The following LTBP1 variants were observed in gnomAD, a reference collection of about 807,000 sequenced individuals.
LTBP1 encodes the protein latent-transforming growth factor beta-binding protein 1.
LTBP1 carries 129 observed loss-of-function variants against 207.6 expected under a neutral mutation model. That is an observed-to-expected ratio of 0.62 (90% CI 0.54 to 0.72). The LOEUF (loss-of-function observed/expected upper bound fraction) is 0.72. Among genes scored for constraint, LTBP1 ranks in the 30% least tolerant of loss-of-function variants. The pLI is 0.00. For missense variants in LTBP1, 2,281 were observed against 2,217.2 expected (o/e 1.03, Z -0.58); for synonymous variants, 963 against 833.7 (o/e 1.16, Z -2.67).
At chr2:33,179,341 T>C (rs1259104396) in intron 5 of LTBP1, among the ~76,000 whole-genome samples, 2 of 152,196 alleles carry the variant, frequency 1.3e-5, no homozygotes. Context: ...TTACTATGAA[T>C]ATTCGTGAAG....
At chr2:33,089,489 A>G (rs1188037991) in intron 3 of LTBP1, among the ~76,000 whole-genome samples, 1 of 152,200 alleles carries the variant, frequency 6.6e-6, no homozygotes, top group Non-Finnish European at 1.5e-5. Context: ...GGCAGAGGCC[A>G]CCAATGCTGC....
chr2:33,117,265 T>A (rs1158831979), intron 4 of LTBP1, among the ~76,000 whole-genome samples: 2 of 152,194 alleles, frequency 1.3e-5, no homozygotes, highest in African/African-American at 4.8e-5. Context: ...CTTTCTAACT[T>A]TTATTAATAC....
intron 4 of LTBP1, among the ~76,000 whole-genome samples, chr2:33,128,060 A>C (rs1311377725): frequency 6.6e-6 from 1 of 152,164 alleles, no homozygotes; most frequent in African/African-American, 2.4e-5. Flanking sequence ...TGGTAGAGAT[A>C]ATTTGGGACC....
rs192871010 is a variant in LTBP1, at chr2:33,193,155, G to T, written c.1701+4304G>T. Among the ~76,000 whole-genome samples the T allele has an allele frequency of 3.3e-5, 5 of 151,980 alleles. No homozygotes were observed. The East Asian group carries it at 9.6e-4, about 29-fold the overall frequency. On this transcript the variant is annotated intron_variant, in intron 7 of 33. Coordinates refer to ENST00000404816, the MANE Select transcript of LTBP1 (RefSeq NM_206943.4). ...TATCCTTATTCTTTTTTGTTTGTTT[G>T]TTTTGAGATGGAGTCTCTCACTCTG...
chr2:33,288,065 T>G (rs933992603), intron 19 of LTBP1, among the ~76,000 whole-genome samples: 1 of 152,210 alleles, frequency 6.6e-6, no homozygotes, highest in Non-Finnish European at 1.5e-5. Context: ...AGATGCTTTA[T>G]CCCTATCTCA....
chr2:33,254,851 G>GTTTT (rs1558893129), intron 11 of LTBP1, among the ~76,000 whole-genome samples: 3 of 7,062 alleles, frequency 4.2e-4, no homozygotes, highest in African/African-American at 2.6e-3. Context: ...TGCGGTGTTT[G>GTTTT]GTTTTTTTTT....
intron 5 of LTBP1, among the ~76,000 whole-genome samples, chr2:33,180,376 CCTTT>C (rs2086495877): frequency 6.6e-6 from 1 of 151,594 alleles, no homozygotes; most frequent in South Asian, 2.1e-4. Context: ...TGGAGTCCAG[CCTTT>C]CTTTTTTCCC....
At chr2:33,056,501 C>T (rs2077007102) in intron 3 of LTBP1, 1 of 764,358 alleles carries the variant, frequency 1.3e-6, no homozygotes, top group East Asian at 3.0e-5. Context: ...GCGTCTTCTT[C>T]TTGTCCCTTC....
chr2:33,143,588 G>A (rs1308622260), intron 5 of LTBP1, among the ~76,000 whole-genome samples: 2 of 152,148 alleles, frequency 1.3e-5, no homozygotes, highest in South Asian at 2.1e-4. Flanking sequence ...TTTACATGGA[G>A]CTTTAAGTTT....
intron 24 of LTBP1, among the ~76,000 whole-genome samples, chr2:33,336,558 G>A (rs193191025): frequency 6.6e-6 from 1 of 152,324 alleles, no homozygotes; most frequent in East Asian, 1.9e-4. Flanking sequence ...TTCTAAGACA[G>A]GAAGCCCGTT....
rs58504404 is a variant in LTBP1 at position 33,297,399 on chromosome 2, CTTTATTTATTTA to C, written c.3236-3013_3236-3002del. Among the ~76,000 whole-genome samples the C allele has an allele frequency of 5.2e-3, 729 of 140,348 alleles. 4 individuals carry two copies. The highest frequency in any genetic ancestry group is 0.012 in the African/African-American group (448 of 37,548). 92.1% of individuals were successfully genotyped at this position (140,348 alleles called of 152,430 possible). On this transcript the variant is annotated intron_variant, in intron 20 of 33. Transcript: ENST00000404816. Reference sequence around the variant, plus strand: ...GTCAGAGCTAGGATCTAATATACTGCTTTATTTATTTATTTATTTATTTATTTATTTATTTAT... The same window carrying C: ...GTCAGAGCTAGGATCTAATATACTGCTTTATTTATTTATTTATTTATTTAT...
In LTBP1 at chr2:32,947,643, G is replaced by C. The variant is rs1443383736; in HGVS notation, c.319G>C (p.Glu107Gln). ...CAGACCGCCGCCGCCGCCGCCGCCG[G>C]AGCCTGCGCGTCCCGCGGTCCCCGG... Reference protein sequence around the residue: ...GLRPPPPPPPEPARPAVPGGQ... With the variant: ...GLRPPPPPPPQPARPAVPGGQ... The change falls in exon 1 of 34, where the codon GAG (glutamate) becomes CAG (glutamine). Residue 107 changes from glutamate (E) to glutamine (Q), a missense_variant. Glu to Gln is a conservative substitution (Grantham distance 29). Around this residue, in one of 3 missense-constraint regions of LTBP1, gnomAD observed 555 missense variants for 491.0 expected, o/e 1.13. Transcript: ENST00000404816. 8 of 1,386,406 alleles carry C rather than the reference G, an allele frequency of 5.8e-6. No individual in the cohort carries two copies. Among genetic ancestry groups the C allele is most frequent in the Non-Finnish European group, 7.5e-6 (8 of 1,069,158 alleles). The allele number at this position is 1,386,406 out of a possible 1,614,324, so 85.9% of individuals were successfully genotyped here.
rs1275875203 is a variant in LTBP1 at position 33,300,621 on chromosome 2, TG to T, written c.3358+50del. 6 of 1,578,544 alleles carry T rather than the reference TG, an allele frequency of 3.8e-6. No individual in the cohort carries two copies. The Admixed American group carries it at 1.1e-4, about 28-fold the overall frequency. Reference sequence around the variant, plus strand: ...TACTGAAACTTCAGCTTAAAGCACCTGGTCTGAAAAAGGTACGCTCAATCAA... The same window carrying T: ...TACTGAAACTTCAGCTTAAAGCACCTGTCTGAAAAAGGTACGCTCAATCAA... On this transcript the variant is annotated intron_variant, in intron 21 of 33. Coordinates refer to ENST00000404816, the MANE Select transcript of LTBP1 (RefSeq NM_206943.4).
chr2:33,325,908 T>C (rs975038137), intron 24 of LTBP1, among the ~76,000 whole-genome samples: 5 of 152,216 alleles, frequency 3.3e-5, no homozygotes, highest in African/African-American at 1.2e-4. Context: ...GTATTTCTTT[T>C]CTATAACAAA....
In LTBP1 at chr2:33,040,097, CTT is replaced by C. The variant is rs112395670; in HGVS notation, c.863+18892_863+18893del. Among the ~76,000 whole-genome samples, 1,045 of 152,154 alleles carry C rather than the reference CTT, an allele frequency of 6.9e-3. 11 individuals carry two copies. The highest frequency in any genetic ancestry group is 0.022 in the African/African-American group (930 of 41,496). ...ATGGAGGCCCATAGAGATTTCATTC[CTT>C]GGTATGGAAGAAAAATGAGCAAGAG... On this transcript the variant is annotated intron_variant, in intron 3 of 33. Coordinates refer to ENST00000404816, the MANE Select transcript of LTBP1 (RefSeq NM_206943.4).
chr2:33,388,750 T>C (rs1158368941), intron 31 of LTBP1, among the ~76,000 whole-genome samples: 1 of 152,204 alleles, frequency 6.6e-6, no homozygotes, highest in Non-Finnish European at 1.5e-5. Context: ...ACCAGAGATA[T>C]ATTTATTCCT....
chr2:33,383,917 G>A (rs770368323), intron 31 of LTBP1, among the ~76,000 whole-genome samples: 7 of 152,204 alleles, frequency 4.6e-5, no homozygotes, highest in East Asian at 3.8e-4. Flanking sequence ...ACTTCAGAGC[G>A]TTGCATTTTT....
At chr2:33,036,604 T>C (rs1277348441) in intron 3 of LTBP1, among the ~76,000 whole-genome samples, 2 of 152,030 alleles carry the variant, frequency 1.3e-5, no homozygotes, top group African/African-American at 2.4e-5. Context: ...ATTACAGGTG[T>C]GTGCCACCAT....
At chr2:33,376,708 C>T (rs969553415) in intron 31 of LTBP1, among the ~76,000 whole-genome samples, 5 of 152,132 alleles carry the variant, frequency 3.3e-5, no homozygotes, top group Non-Finnish European at 7.3e-5. Context: ...CATGCCCTCC[C>T]GTAGGAATCA....
Sources: gnomAD v4.1 joint callset for allele counts (sites outside exome capture counted in the v4.1 genomes callset) on GRCh38, gnomAD v4.1.1 for gene constraint, gnomAD v4.1.1 regional missense constraint, MANE v1.5 for transcripts, NCBI Gene and HGNC (gene_info 2026-07-23, HGNC 2026-07-21) for gene names.